Variants in OR56A3 observed in about 807,000 individuals in gnomAD.
OR56A3 encodes olfactory receptor family 56 subfamily A member 3.
A neutral mutation model predicts 17.5 loss-of-function variants in OR56A3; 23 were observed. That is an observed-to-expected ratio of 1.32 (90% CI 0.95 to 1.87). The LOEUF is 1.87. OR56A3 is among the 40% of genes most tolerant of loss of function. The probability of loss-of-function intolerance (pLI) is 0.00; values close to 1 mark genes in which losing one functional copy is unlikely to be tolerated. For missense variants in OR56A3, 366 were observed against 380.1 expected (o/e 0.96, Z 0.31); for synonymous variants, 175 against 150.6 (o/e 1.16, Z -1.19).
chr11:6,005,152 T>C, the OR56A3 span, among the ~76,000 whole-genome samples: 1 of 152,052 alleles, frequency 6.6e-6, no homozygotes, highest in Non-Finnish European at 1.5e-5. Context: ...ACAAATGAAA[T>C]AGAATAAATG....
downstream of OR56A3, among the ~76,000 whole-genome samples, chr11:5,952,051 A>G (rs911538067): frequency 6.6e-6 from 1 of 152,228 alleles, no homozygotes; most frequent in Non-Finnish European, 1.5e-5. Context: ...GAGAATATAG[A>G]TATGTTCCAA....
chr11:5,999,837 G>C, the OR56A3 span: 1 of 152,222 alleles, frequency 6.6e-6, no homozygotes, highest in Admixed American at 6.5e-5. Flanking sequence ...AGAAGCTTAT[G>C]ACAGTGTCAG....
the OR56A3 span, among the ~76,000 whole-genome samples, chr11:5,996,802 T>C: frequency 1.3e-5 from 2 of 152,230 alleles, no homozygotes; most frequent in East Asian, 3.8e-4. Context: ...TATTATATTC[T>C]TTTTGCTGGG....
chr11:6,010,491 G>A, the OR56A3 span, among the ~76,000 whole-genome samples: 15 of 152,246 alleles, frequency 9.9e-5, no homozygotes, highest in East Asian at 1.5e-3. Flanking sequence ...TAGCTAGGTC[G>A]TTTTTGCCTC....
chr11:5,966,173 C>T, the OR56A3 span, among the ~76,000 whole-genome samples: 1 of 145,198 alleles, frequency 6.9e-6, no homozygotes, highest in African/African-American at 2.5e-5. Flanking sequence ...GAGTTCAAGA[C>T]CAACCTCAGC....
In OR56A3 at chr11:5,948,401, A is replaced by C. The variant is rs972527184; in HGVS notation, c.*107A>C. 1.8e-5 allele frequency: 13 copies of C among 708,470 alleles called. No individual in the cohort carries two copies. Among genetic ancestry groups the C allele is most frequent in the African/African-American group, 3.6e-5 (2 of 55,740 alleles). The allele number at this position is 708,470 out of a possible 1,614,324, so 43.9% of individuals were successfully genotyped here. A position where few individuals can be genotyped will look rare whatever the true frequency, so the allele number is the denominator to read the frequency against. ...TGTGACTTATAACCTCAAACTGGGTACACTAGATATTGTGTGTGCTTTTCA... is the reference window on the plus strand; with the variant it reads ...TGTGACTTATAACCTCAAACTGGGTCCACTAGATATTGTGTGTGCTTTTCA... On this transcript the variant is annotated 3_prime_UTR_variant, in exon 3 of 3. Transcript: ENST00000641160.
the OR56A3 span, among the ~76,000 whole-genome samples, chr11:5,998,196 CA>C: frequency 6.6e-6 from 1 of 152,122 alleles, no homozygotes; most frequent in Non-Finnish European, 1.5e-5. Context: ...CTCTGTCTTC[CA>C]AAGGAAACCT....
Position 5,947,834 on chromosome 11 carries a change from T to A in OR56A3, c.488T>A (p.Ile163Asn). ...AGAAATGTGCTTATGACTCTGCCCA[T>A]CCCCATCCTTTCAGCACAACTCCGT... ...LTRNVLMTLP[I>N]PILSAQLRYC... The change falls in exon 3 of 3, where the codon ATC (isoleucine) becomes AAC (asparagine). Residue 163 changes from isoleucine to asparagine, a missense_variant. Transcript: ENST00000641160. 6.2e-7 allele frequency: 1 copy of A among 1,614,176 alleles called. No homozygotes were observed. Among genetic ancestry groups the A allele is most frequent in the South Asian group, 1.1e-5 (1 of 91,076 alleles).
the OR56A3 span, among the ~76,000 whole-genome samples, chr11:5,960,684 G>A: frequency 2.6e-5 from 4 of 152,112 alleles, no homozygotes; most frequent in East Asian, 1.9e-4. Flanking sequence ...CCGCCACCCC[G>A]TCTAGGAAGT....
At chr11:5,994,219 T>G in the OR56A3 span, 2 of 535,820 alleles carry the variant, frequency 3.7e-6, no homozygotes, top group Admixed American at 4.5e-5. Context: ...TAAGCTGGCC[T>G]TCAGATTTCT....
chr11:6,007,520 A>C, the OR56A3 span, among the ~76,000 whole-genome samples: 1 of 152,336 alleles, frequency 6.6e-6, no homozygotes, highest in South Asian at 2.1e-4. Context: ...TGTAGTATTC[A>C]GTGTGATGCA....
the OR56A3 span, among the ~76,000 whole-genome samples, chr11:6,013,366 G>A: frequency 9.2e-5 from 14 of 152,308 alleles, no homozygotes; most frequent in East Asian, 1.7e-3. Flanking sequence ...CCCAGCTCGC[G>A]GCCCTGCAGG....
rs1156535241 is a variant in OR56A3, at chr11:5,950,279, G to A, written c.*1985G>A. The A allele has an allele frequency of 6.6e-6, 1 of 152,088 alleles. No homozygotes were observed. The highest frequency in any genetic ancestry group is 1.5e-5 in the Non-Finnish European group (1 of 67,980). The allele number at this position is 152,088 out of a possible 1,614,324, so 9.4% of individuals were successfully genotyped here. On this transcript the variant is annotated 3_prime_UTR_variant, in exon 3 of 3. Coordinates refer to ENST00000641160, the MANE Select transcript of OR56A3 (RefSeq NM_001003443.3). ...GTTAGAAGATAACCTTGGGTGCCAG[G>A]AAAAGGACATATTGAGGGATTTAGA...
chr11:6,021,033 T>C, the OR56A3 span: 10 of 152,014 alleles, frequency 6.6e-5, no homozygotes, highest in African/African-American at 2.4e-4. Flanking sequence ...TTCTCAAGTC[T>C]GACAGCCTTA....
At chr11:5,958,979 A>C in the OR56A3 span, among the ~76,000 whole-genome samples, 1 of 152,228 alleles carries the variant, frequency 6.6e-6, no homozygotes, top group Non-Finnish European at 1.5e-5. Flanking sequence ...TTTGTGGCTG[A>C]ATAGTATTTC....
chr11:5,988,292 C>G, the OR56A3 span, among the ~76,000 whole-genome samples: 1 of 139,166 alleles, frequency 7.2e-6, no homozygotes, highest in Non-Finnish European at 1.6e-5. Flanking sequence ...TCTAGAAATT[C>G]TATCAGTGTC....
chr11:6,002,022 T>A, the OR56A3 span: 3 of 1,522,638 alleles, frequency 2.0e-6, no homozygotes, highest in Non-Finnish European at 2.6e-6. Context: ...AATTAACAAC[T>A]CTAAAGGTGG....
the OR56A3 span, among the ~76,000 whole-genome samples, chr11:6,005,603 A>G: frequency 1.3e-5 from 2 of 152,220 alleles, no homozygotes; most frequent in Non-Finnish European, 2.9e-5. Context: ...AAAATGCCAT[A>G]AACTGGGTGG....
chr11:5,975,238 G>C, the OR56A3 span, among the ~76,000 whole-genome samples: 5 of 152,174 alleles, frequency 3.3e-5, no homozygotes, highest in Admixed American at 2.6e-4. Context: ...TTAAGTTCTA[G>C]GGAACATGTG....
Sources: allele counts gnomAD v4.1 joint callset (sites outside exome capture counted in the v4.1 genomes callset), GRCh38; gene constraint gnomAD v4.1.1; transcripts MANE v1.5; gene names NCBI Gene and HGNC (gene_info 2026-07-23, HGNC 2026-07-21).